Variants in PTPRG observed in about 807,000 individuals in gnomAD.
The protein encoded by PTPRG is protein tyrosine phosphatase receptor type G, also known as receptor-type tyrosine-protein phosphatase gamma.
Under a neutral mutation model 165.3 loss-of-function variants are expected in PTPRG, and 102 were observed. That is an observed-to-expected ratio of 0.62 (90% confidence interval 0.53 to 0.73). The LOEUF (loss-of-function observed/expected upper bound fraction) is 0.73, where lower values mean the gene tolerates loss of function less well. Ranked by LOEUF, PTPRG falls within the 30% of genes least tolerant of loss-of-function variation. PTPRG has a pLI of 0.00. For synonymous variants in PTPRG, 675 were observed against 669.5 expected, an observed-to-expected ratio of 1.01 and a Z score of -0.13; for missense variants, 1,866 against 1,861.4, an observed-to-expected ratio of 1.00 and a Z score of -0.05.
At chr3:61,873,658 A>C (rs1325153817) in intron 2 of PTPRG, among the ~76,000 whole-genome samples, 1 of 152,110 alleles carries the variant, frequency 6.6e-6, no homozygotes, top group African/African-American at 2.4e-5. Flanking sequence ...TAATGTGTGG[A>C]ATTGGGTAAC....
At chr3:61,970,516 TTTTGC>T (rs2040359709) in intron 2 of PTPRG, among the ~76,000 whole-genome samples, 1 of 152,218 alleles carries the variant, frequency 6.6e-6, no homozygotes, top group South Asian at 2.1e-4. Flanking sequence ...TCAATATGTG[TTTTGC>T]TTTGAGATTT....
intron 4 of PTPRG, among the ~76,000 whole-genome samples, chr3:62,051,628 C>T (rs1287241350): frequency 6.6e-6 from 1 of 151,948 alleles, no homozygotes; most frequent in Non-Finnish European, 1.5e-5. Context: ...TTTAATCTAC[C>T]CAGGTGAATT....
At chr3:61,644,003 A>T (rs1158990517) in intron 1 of PTPRG, among the ~76,000 whole-genome samples, 1 of 152,188 alleles carries the variant, frequency 6.6e-6, no homozygotes, top group Non-Finnish European at 1.5e-5. Context: ...CATTATGTAC[A>T]CAGCCCCTAC....
intron 1 of PTPRG, among the ~76,000 whole-genome samples, chr3:61,722,263 A>G (rs2032082681): frequency 6.6e-6 from 1 of 151,940 alleles, no homozygotes; most frequent in African/African-American, 2.4e-5. Flanking sequence ...AAGAGGGCCA[A>G]ACTAGTCTGT....
At chr3:61,773,729 A>G (rs1372414938) in intron 2 of PTPRG, among the ~76,000 whole-genome samples, 1 of 151,792 alleles carries the variant, frequency 6.6e-6, no homozygotes, top group Non-Finnish European at 1.5e-5. Context: ...ATGCTTAGGG[A>G]AAAAAAATTG....
intron 12 of PTPRG, among the ~76,000 whole-genome samples, chr3:62,215,797 A>G (rs1700486037): frequency 6.6e-6 from 1 of 152,046 alleles, no homozygotes; most frequent in Non-Finnish European, 1.5e-5. Flanking sequence ...TATCACCAAC[A>G]CAGAGATGCC....
At chr3:62,181,689 G>A (rs1468871818) in intron 8 of PTPRG, among the ~76,000 whole-genome samples, 1 of 152,110 alleles carries the variant, frequency 6.6e-6, no homozygotes, top group Non-Finnish European at 1.5e-5. Flanking sequence ...GGTTTTAGAT[G>A]CTTAAAATAA....
chr3:62,267,076 G>A (rs866254337), intron 17 of PTPRG, among the ~76,000 whole-genome samples: 5 of 152,086 alleles, frequency 3.3e-5, no homozygotes, highest in Middle Eastern at 3.4e-3. Flanking sequence ...TTGTATTAAT[G>A]GGGAGGGAAC....
At chr3:61,739,069 C>T (rs939435830) in intron 1 of PTPRG, 10 of 135,438 alleles carry the variant, frequency 7.4e-5, no homozygotes, top group Non-Finnish European at 3.1e-5. Context: ...AAGCTCTCCT[C>T]CCTGGTTGGC....
At chr3:62,276,737 T>C in intron 24 of PTPRG, 1 of 501,888 alleles carries the variant, frequency 2.0e-6, no homozygotes, top group Admixed American at 3.7e-5. Flanking sequence ...TAAAAATCTC[T>C]CCCACAGTAA....
intron 2 of PTPRG, among the ~76,000 whole-genome samples, chr3:61,839,928 T>G (rs1175859769): frequency 6.6e-6 from 1 of 152,106 alleles, no homozygotes; most frequent in Admixed American, 6.5e-5. Flanking sequence ...CATCTTAGAG[T>G]TGTGTGTATT....
intron 2 of PTPRG, among the ~76,000 whole-genome samples, chr3:61,907,022 G>A (rs1359629569): frequency 6.6e-6 from 1 of 152,008 alleles, no homozygotes; most frequent in Non-Finnish European, 1.5e-5. Context: ...TTTTGAGTTG[G>A]ACAACTTAAA....
intron 2 of PTPRG, among the ~76,000 whole-genome samples, chr3:61,868,324 CCT>C: frequency 6.6e-6 from 1 of 152,288 alleles, no homozygotes; most frequent in East Asian, 1.9e-4. Context: ...CAATTTCTTG[CCT>C]CTCTCAGATT....
intron 1 of PTPRG, among the ~76,000 whole-genome samples, chr3:61,717,887 AAACTAAG>A (rs1397817435): frequency 6.6e-6 from 1 of 152,082 alleles, no homozygotes; most frequent in African/African-American, 2.4e-5. Context: ...AGCTTTGTAA[AAACTAAG>A]ACTCGACTGG....
At chr3:61,728,329 C>G (rs901877190) in intron 1 of PTPRG, among the ~76,000 whole-genome samples, 3 of 152,150 alleles carry the variant, frequency 2.0e-5, no homozygotes, top group Non-Finnish European at 2.9e-5. Flanking sequence ...CATTTGTGAT[C>G]CCAACACTTT....
chr3:61,952,121 A>G (rs1231117592), intron 2 of PTPRG, among the ~76,000 whole-genome samples: 6 of 63,774 alleles, frequency 9.4e-5, no homozygotes, highest in African/African-American at 1.8e-4. Flanking sequence ...CACCTCAGAA[A>G]AAAAAAAAAA....
chr3:61,663,648 AATT>A (rs1262262751), intron 1 of PTPRG, among the ~76,000 whole-genome samples: 1 of 152,130 alleles, frequency 6.6e-6, no homozygotes, highest in African/African-American at 2.4e-5. Context: ...ATAATGAAAT[AATT>A]ATACAGTTCA....
At chr3:62,225,020 T>G (rs554414221) in intron 13 of PTPRG, among the ~76,000 whole-genome samples, 1 of 152,220 alleles carries the variant, frequency 6.6e-6, no homozygotes, top group Non-Finnish European at 1.5e-5. Flanking sequence ...ACAGCTTTAA[T>G]GGCACCCTAT....
chr3:62,268,024 G>A lies in PTPRG; in HGVS notation c.2874+205G>A, dbSNP rs540905982. ...AAATGTGATGACAGAGATGAACAGG[G>A]TATCAGTGGAATGCTGCAAAATGAA... On this transcript the variant is annotated intron_variant, in intron 19 of 29. Transcript: ENST00000474889. Among the ~76,000 whole-genome samples the A allele has an allele frequency of 1.4e-4, 21 of 152,148 alleles. 1 individual carries two copies. The South Asian group carries it at 3.5e-3, about 26-fold the overall frequency.
Sources: allele counts gnomAD v4.1 joint callset (sites outside exome capture counted in the v4.1 genomes callset), GRCh38; gene constraint gnomAD v4.1.1; transcripts MANE v1.5; gene names NCBI Gene and HGNC (gene_info 2026-07-23, HGNC 2026-07-21).